Variants in CWC27 observed in about 807,000 individuals in gnomAD.
The protein encoded by CWC27 is CWC27 spliceosome associated cyclophilin, also known as spliceosome-associated protein CWC27 homolog.
In CWC27, 47 loss-of-function variants were observed where a neutral mutation model predicts 63.6. The observed-to-expected ratio is 0.74, with a 90% confidence interval of 0.58 to 0.94. The LOEUF (loss-of-function observed/expected upper bound fraction) is 0.94, where lower values mean the gene tolerates loss of function less well. Ranked by LOEUF, CWC27 falls within the 40% of genes least tolerant of loss-of-function variation. CWC27 has a pLI of 0.00. For missense variants in CWC27, 495 were observed against 554.3 expected (o/e 0.89, Z 1.07); for synonymous variants, 175 against 179.8 (o/e 0.97, Z 0.22).
At chr5:64,956,227 A>G (rs1002574761) in intron 11 of CWC27, among the ~76,000 whole-genome samples, 1 of 152,232 alleles carries the variant, frequency 6.6e-6, no homozygotes, top group Non-Finnish European at 1.5e-5. Flanking sequence ...ACAAACACCT[A>G]TGAATTATTT....
intron 10 of CWC27, among the ~76,000 whole-genome samples, chr5:64,818,467 C>T (rs1410122818): frequency 6.6e-6 from 1 of 152,054 alleles, no homozygotes; most frequent in African/African-American, 2.4e-5. Flanking sequence ...ACAATATTGA[C>T]AGTAACTTGA....
intron 13 of CWC27, among the ~76,000 whole-genome samples, chr5:65,009,705 AG>A (rs1014262190): frequency 6.6e-6 from 1 of 152,210 alleles, no homozygotes; most frequent in Admixed American, 6.5e-5. Context: ...CACAGTGAGA[AG>A]GCAGGCATTT....
chr5:64,929,546 AG>A (rs1209405477), intron 11 of CWC27, among the ~76,000 whole-genome samples: 2 of 152,234 alleles, frequency 1.3e-5, no homozygotes, highest in Non-Finnish European at 2.9e-5. Flanking sequence ...AAATTGGCAA[AG>A]CATTTGAATA....
At chr5:64,980,830 GCCTGTAA>G (rs1016372640) in intron 13 of CWC27, among the ~76,000 whole-genome samples, 4 of 152,300 alleles carry the variant, frequency 2.6e-5, no homozygotes, top group South Asian at 4.1e-4. Flanking sequence ...GCTGGCTTAT[GCCTGTAA>G]TCTCAGCACT....
chr5:64,852,217 T>C (rs1293992957), intron 10 of CWC27, among the ~76,000 whole-genome samples: 1 of 152,230 alleles, frequency 6.6e-6, no homozygotes, highest in Non-Finnish European at 1.5e-5. Context: ...GTCATGTTTT[T>C]ATGTGCACAA....
At chr5:64,812,741 A>G (rs1744913377) in intron 10 of CWC27, among the ~76,000 whole-genome samples, 1 of 152,174 alleles carries the variant, frequency 6.6e-6, no homozygotes, top group South Asian at 2.1e-4. Context: ...GGTGCGTGCC[A>G]GGAAGTGGTA....
chr5:64,798,592 G>A (rs1433472513), intron 7 of CWC27, among the ~76,000 whole-genome samples: 1 of 152,052 alleles, frequency 6.6e-6, no homozygotes, highest in East Asian at 1.9e-4. Context: ...TTAACTGTTG[G>A]AGAAAATTTT....
chr5:64,965,191 T>C (rs2112436947), intron 11 of CWC27, among the ~76,000 whole-genome samples: 1 of 152,356 alleles, frequency 6.6e-6, no homozygotes, highest in East Asian at 1.9e-4. Context: ...CATTTACAGC[T>C]GTATAATGAT....
At chr5:64,861,333 G>GATAT (rs35720748) in intron 10 of CWC27, among the ~76,000 whole-genome samples, 3 of 149,654 alleles carry the variant, frequency 2.0e-5, no homozygotes, top group Non-Finnish European at 3.0e-5. Context: ...GGCCAAATCA[G>GATAT]ATATATATAT....
intron 13 of CWC27, among the ~76,000 whole-genome samples, chr5:64,993,213 G>A (rs1371642101): frequency 6.6e-6 from 1 of 152,060 alleles, no homozygotes; most frequent in Non-Finnish European, 1.5e-5. Flanking sequence ...GGGAAGTGGG[G>A]GTGCATGGTA....
At chr5:64,946,601 G>A (rs1348232575) in intron 11 of CWC27, among the ~76,000 whole-genome samples, 1 of 152,122 alleles carries the variant, frequency 6.6e-6, no homozygotes, top group South Asian at 2.1e-4. Context: ...TGGAGCAGAT[G>A]AAGGCAGATG....
intron 13 of CWC27, among the ~76,000 whole-genome samples, chr5:65,013,362 A>C (rs1749995520): frequency 6.6e-6 from 1 of 152,214 alleles, no homozygotes; most frequent in South Asian, 2.1e-4. Flanking sequence ...CAAGCCTTCT[A>C]GTACCAGCCA....
chr5:64,775,472 T>C (rs1441630894), intron 2 of CWC27, among the ~76,000 whole-genome samples: 1 of 152,168 alleles, frequency 6.6e-6, no homozygotes, highest in Non-Finnish European at 1.5e-5. Context: ...TGGACATTAT[T>C]TCCTAAGCAT....
At chr5:64,780,049 A>G (rs1426793398) in intron 2 of CWC27, among the ~76,000 whole-genome samples, 1 of 152,084 alleles carries the variant, frequency 6.6e-6, no homozygotes, top group Admixed American at 6.6e-5. Flanking sequence ...GCAGTGTGAG[A>G]ATGGACTAAT....
chr5:65,002,476 G>A (rs566989592), intron 13 of CWC27, among the ~76,000 whole-genome samples: 4 of 152,018 alleles, frequency 2.6e-5, no homozygotes, highest in Non-Finnish European at 5.9e-5. Context: ...CCATAAGTTT[G>A]GGTTTGTTGT....
intron 11 of CWC27, among the ~76,000 whole-genome samples, chr5:64,914,412 A>T (rs1299661404): frequency 6.6e-6 from 1 of 152,162 alleles, no homozygotes; most frequent in Non-Finnish European, 1.5e-5. Flanking sequence ...TAGCCAGGAT[A>T]TCTAAAGAGT....
chr5:64,897,883 C>T lies in CWC27; in HGVS notation c.1042+12337C>T, dbSNP rs191861013. On this transcript the variant is annotated intron_variant, in intron 11 of 13. Coordinates refer to ENST00000381070, the MANE Select transcript of CWC27 (RefSeq NM_005869.4). ...ACTTGCATAGACCTAATAACATAAA[C>T]TCAAAATCTATGAAGCAAAAACTGA... Among the ~76,000 whole-genome samples the T allele has an allele frequency of 5.9e-3, 893 of 152,190 alleles. 21 individuals carry two copies. Among genetic ancestry groups the T allele is most frequent in the Admixed American group, 0.039 (597 of 15,278 alleles).
intron 11 of CWC27, among the ~76,000 whole-genome samples, chr5:64,890,078 T>C (rs950668860): frequency 6.6e-6 from 1 of 152,194 alleles, no homozygotes; most frequent in Non-Finnish European, 1.5e-5. Context: ...GGTTTGGACA[T>C]ATTCTCTAAT....
chr5:64,977,281 C>A, intron 13 of CWC27, 43 bp downstream of exon 13: 1 of 1,349,196 alleles, frequency 7.4e-7, no homozygotes, highest in Non-Finnish European at 1.0e-6. Flanking sequence ...AACAAATAGT[C>A]TCAGAGCAGA....
Sources: allele counts gnomAD v4.1 joint callset (sites outside exome capture counted in the v4.1 genomes callset), GRCh38; gene constraint gnomAD v4.1.1; transcripts MANE v1.5; gene names NCBI Gene and HGNC (gene_info 2026-07-23, HGNC 2026-07-21).